LRRC37A2: variants seen among roughly 807,000 people sequenced by gnomAD.
The protein encoded by LRRC37A2 is leucine rich repeat containing 37 member A2, also known as leucine-rich repeat-containing protein 37A2.
Under a neutral mutation model 68.8 loss-of-function variants are expected in LRRC37A2, and 9 were observed. The ratio of observed to expected loss-of-function variants is 0.13; its 90% CI spans 0.08 to 0.23. The LOEUF (loss-of-function observed/expected upper bound fraction) is 0.23, where lower values mean the gene tolerates loss of function less well. LRRC37A2 is among the 10% of genes least tolerant of loss of function. LRRC37A2 has a pLI of 1.00. For synonymous variants in LRRC37A2, 63 were observed against 367.6 expected (o/e 0.17, Z 9.48); for missense variants, 168 against 950.4 (o/e 0.18, Z 10.82).
At chr17:46,748,229 A>G in the LRRC37A2 span, among the ~76,000 whole-genome samples, 1 of 151,930 alleles carries the variant, frequency 6.6e-6, no homozygotes, top group Non-Finnish European at 1.5e-5. Flanking sequence ...CTCCTACCTC[A>G]ACCTCCCAAG....
chr17:46,583,994 TA>T, the LRRC37A2 span, among the ~76,000 whole-genome samples: 2 of 12,738 alleles, frequency 1.6e-4, no homozygotes, highest in East Asian at 6.3e-4. Context: ...TATATATATA[TA>T]ATATATATTT....
At chr17:46,792,701 T>C in the LRRC37A2 span, among the ~76,000 whole-genome samples, 1 of 152,184 alleles carries the variant, frequency 6.6e-6, no homozygotes, top group Non-Finnish European at 1.5e-5. Context: ...CTCGAACTAC[T>C]GACCACGTGA....
At chr17:46,398,389 GTTTA>G in the LRRC37A2 span, among the ~76,000 whole-genome samples, 26 of 152,016 alleles carry the variant, frequency 1.7e-4, no homozygotes, top group African/African-American at 5.8e-4. Context: ...GTGAGACAAA[GTTTA>G]TTTATTGTAA....
the LRRC37A2 span, among the ~76,000 whole-genome samples, chr17:46,777,576 A>G: frequency 6.6e-6 from 1 of 152,274 alleles, no homozygotes; most frequent in African/African-American, 2.4e-5. Context: ...TCTGCCCCAC[A>G]GGGATTTCCT....
chr17:46,858,706 A>G, the LRRC37A2 span, among the ~76,000 whole-genome samples: 1 of 152,154 alleles, frequency 6.6e-6, no homozygotes, highest in African/African-American at 2.4e-5. Flanking sequence ...AATAGTTCTC[A>G]CAAGGAAACT....
the LRRC37A2 span, chr17:46,930,151 C>G: frequency 6.5e-6 from 1 of 154,196 alleles, no homozygotes; most frequent in Admixed American, 6.4e-5. Flanking sequence ...TGGGCTCCCT[C>G]AGGACCCATT....
At chr17:46,977,213 C>T in the LRRC37A2 span, among the ~76,000 whole-genome samples, 1 of 152,192 alleles carries the variant, frequency 6.6e-6, no homozygotes, top group African/African-American at 2.4e-5. Flanking sequence ...GCATTCCCTT[C>T]GCTTCTCTTA....
chr17:46,667,553 T>C, the LRRC37A2 span, among the ~76,000 whole-genome samples: 1,038 of 140,848 alleles, frequency 7.4e-3, 29 homozygotes, highest in African/African-American at 0.017. Flanking sequence ...AGAAAACAAA[T>C]GTTCTTTTGC....
chr17:46,821,924 A>G, the LRRC37A2 span, among the ~76,000 whole-genome samples: 2 of 152,118 alleles, frequency 1.3e-5, no homozygotes, highest in Admixed American at 6.5e-5. Context: ...TCATGGGGCT[A>G]CCCGTCTGTC....
At chr17:46,398,085 A>G in the LRRC37A2 span, among the ~76,000 whole-genome samples, 3 of 85,572 alleles carry the variant, frequency 3.5e-5, no homozygotes, top group African/African-American at 6.8e-5. Context: ...AGATGGCGCC[A>G]CTGCACTCCA....
the LRRC37A2 span, among the ~76,000 whole-genome samples, chr17:46,919,339 C>T: frequency 6.6e-6 from 1 of 151,726 alleles, no homozygotes; most frequent in East Asian, 1.9e-4. Flanking sequence ...TTTAGCCATA[C>T]AAGAAAAAGA....
At chr17:46,501,604 C>G in the LRRC37A2 span, among the ~76,000 whole-genome samples, 1 of 151,256 alleles carries the variant, frequency 6.6e-6, no homozygotes, top group South Asian at 2.1e-4. Context: ...GAACTCCCTT[C>G]AGTTCTCAGA....
At chr17:46,827,665 ATCC>A in the LRRC37A2 span, among the ~76,000 whole-genome samples, 1 of 152,178 alleles carries the variant, frequency 6.6e-6, no homozygotes, top group South Asian at 2.1e-4. Context: ...AACTATCTGT[ATCC>A]TCCTCACCCA....
chr17:47,021,147 G>C, the LRRC37A2 span, among the ~76,000 whole-genome samples: 1 of 152,200 alleles, frequency 6.6e-6, no homozygotes, highest in Admixed American at 6.5e-5. Flanking sequence ...GTTACACAAT[G>C]AGGTATGGAA....
At chr17:47,002,165 A>G in the LRRC37A2 span, among the ~76,000 whole-genome samples, 1 of 152,102 alleles carries the variant, frequency 6.6e-6, no homozygotes, top group Non-Finnish European at 1.5e-5. Flanking sequence ...AGATGTATCC[A>G]TGTTGCTTTG....
the LRRC37A2 span, among the ~76,000 whole-genome samples, chr17:46,907,695 A>AAC: frequency 6.9e-6 from 1 of 145,616 alleles, no homozygotes; most frequent in African/African-American, 2.5e-5. Flanking sequence ...AAAACAAAAA[A>AAC]CCCAAAATTA....
the LRRC37A2 span, among the ~76,000 whole-genome samples, chr17:46,766,935 G>C: frequency 3.9e-4 from 60 of 152,314 alleles, no homozygotes; most frequent in African/African-American, 1.4e-3. Flanking sequence ...CATCTCTGGG[G>C]AGGATGACAG....
the LRRC37A2 span, among the ~76,000 whole-genome samples, chr17:46,859,165 G>A: frequency 2.6e-5 from 4 of 151,864 alleles, no homozygotes; most frequent in African/African-American, 7.3e-5. Flanking sequence ...TAGTGGAGAT[G>A]GGGTTTCACC....
chr17:47,028,205 T>A, the LRRC37A2 span: 2 of 1,012,594 alleles, frequency 2.0e-6, no homozygotes, highest in Non-Finnish European at 1.5e-6. Flanking sequence ...CCTGTATAAA[T>A]TAGAATCATG....
Sources: gnomAD v4.1 joint callset for allele counts (sites outside exome capture counted in the v4.1 genomes callset) on GRCh38, gnomAD v4.1.1 for gene constraint, MANE v1.5 for transcripts, NCBI Gene and HGNC (gene_info 2026-07-23, HGNC 2026-07-21) for gene names.